Variants in CABLES1 observed in about 807,000 individuals in gnomAD.
CABLES1 encodes the protein CDK5 and ABL1 enzyme substrate 1.
In CABLES1, 36 loss-of-function variants were observed where a neutral mutation model predicts 57.8. That is an observed-to-expected ratio of 0.62 (90% confidence interval 0.48 to 0.82). The LOEUF is 0.82. CABLES1 is among the 40% of genes least tolerant of loss of function. The pLI is 0.00. For synonymous variants in CABLES1, 374 were observed against 363.0 expected, an observed-to-expected ratio of 1.03 and a Z score of -0.35; for missense variants, 767 against 836.6, an observed-to-expected ratio of 0.92 and a Z score of 1.03.
Position 23,258,886 on chromosome 18 carries a change from A to AAACAGAATACTTGGCTTCTTCAGAAT in CABLES1, c.*1520_*1545dup. ...TTCAAGCAGCAGCTGGTGAGGGCCA[A>AAACAGAATACTTGGCTTCTTCAGAAT]AACAGAATACTTGGCTTCTTCAGAA... On this transcript the variant is annotated 3_prime_UTR_variant, in exon 10 of 10. Transcript: ENST00000256925. 6.6e-6 allele frequency: 1 copy of AAACAGAATACTTGGCTTCTTCAGAAT among 152,174 alleles called. No homozygotes were observed. Among genetic ancestry groups the AAACAGAATACTTGGCTTCTTCAGAAT allele is most frequent in the South Asian group, 2.1e-4 (1 of 4,822 alleles). 9.4% of individuals were successfully genotyped at this position (152,174 alleles called of 1,614,324 possible).
At chr18:23,150,899 T>TTCTGGGA (rs1326344205) in intron 1 of CABLES1, among the ~76,000 whole-genome samples, 1 of 151,694 alleles carries the variant, frequency 6.6e-6, no homozygotes, top group Non-Finnish European at 1.5e-5. Flanking sequence ...GGTTGGAGCA[T>TTCTGGGA]AGTGAACTCG....
At chr18:23,254,871 T>C (rs1190482285) in intron 9 of CABLES1, among the ~76,000 whole-genome samples, 2 of 152,038 alleles carry the variant, frequency 1.3e-5, no homozygotes, top group South Asian at 2.1e-4. Flanking sequence ...ACATACGAAT[T>C]TGGGGGGACA....
chr18:23,159,350 G>C (rs2046987091), intron 1 of CABLES1, among the ~76,000 whole-genome samples: 2 of 152,216 alleles, frequency 1.3e-5, no homozygotes. Flanking sequence ...TTGCAGCCCA[G>C]AGTTCCTATG....
chr18:23,189,632 G>A (rs1223245809), intron 2 of CABLES1, among the ~76,000 whole-genome samples: 1 of 152,212 alleles, frequency 6.6e-6, no homozygotes, highest in East Asian at 1.9e-4. Context: ...GGACTGCAGG[G>A]CAGGCGGCAG....
chr18:23,222,642 T>G (rs2047497654), intron 4 of CABLES1, among the ~76,000 whole-genome samples: 1 of 151,492 alleles, frequency 6.6e-6, no homozygotes, highest in Non-Finnish European at 1.5e-5. Context: ...TATAGATATA[T>G]ATTGCCCCAA....
At chr18:23,176,260 C>T (rs2047122294) in intron 1 of CABLES1, among the ~76,000 whole-genome samples, 2 of 152,138 alleles carry the variant, frequency 1.3e-5, no homozygotes, top group African/African-American at 4.8e-5. Flanking sequence ...TGAAACTGTT[C>T]CACCTGAGAT....
At chr18:23,172,031 C>T (rs1315199648) in intron 1 of CABLES1, among the ~76,000 whole-genome samples, 1 of 152,234 alleles carries the variant, frequency 6.6e-6, no homozygotes, top group Non-Finnish European at 1.5e-5. Context: ...AGTGATTCTC[C>T]CACATCAGCC....
chr18:23,208,164 G>A (rs1234426389), intron 3 of CABLES1, among the ~76,000 whole-genome samples: 1 of 152,032 alleles, frequency 6.6e-6, no homozygotes, highest in African/African-American at 2.4e-5. Flanking sequence ...TCCCAGCTCC[G>A]GCCCTGGATT....
chr18:23,196,581 G>T (rs1227593578), intron 3 of CABLES1, among the ~76,000 whole-genome samples: 1 of 152,246 alleles, frequency 6.6e-6, no homozygotes, highest in African/African-American at 2.4e-5. Flanking sequence ...CAGAAGCTCT[G>T]CCCCACAGCA....
At chr18:23,204,919 G>A (rs2047351753) in intron 3 of CABLES1, among the ~76,000 whole-genome samples, 1 of 152,220 alleles carries the variant, frequency 6.6e-6, no homozygotes, top group African/African-American at 2.4e-5. Context: ...TGGGAATTAT[G>A]GGAGCTACAA....
At chr18:23,172,808 T>C (rs2047092343) in intron 1 of CABLES1, among the ~76,000 whole-genome samples, 1 of 152,184 alleles carries the variant, frequency 6.6e-6, no homozygotes. Context: ...TAATTAAGAA[T>C]ACGGTGAGGC....
intron 1 of CABLES1, among the ~76,000 whole-genome samples, chr18:23,167,143 C>T (rs1172846580): frequency 6.6e-6 from 1 of 152,152 alleles, no homozygotes; most frequent in African/African-American, 2.4e-5. Flanking sequence ...TTCCCCTAAT[C>T]TCCTGGGAGT....
Position 23,194,445 on chromosome 18 carries a change from C to T in CABLES1, c.918-3C>T, listed in dbSNP as rs775765870. On this transcript the variant is annotated splice_region_variant and splice_polypyrimidine_tract_variant and intron_variant, in intron 2 of 9. Transcript: ENST00000256925. Reference sequence around the variant, plus strand: ...GTGTTTTTGAAATGACTTTATTTTTCAGATGTCGAACTCTCTCAGGTTCAC... The same window carrying T: ...GTGTTTTTGAAATGACTTTATTTTTTAGATGTCGAACTCTCTCAGGTTCAC... 1 of 1,595,200 alleles carries T rather than the reference C, an allele frequency of 6.3e-7. No individual in the cohort carries two copies. Among genetic ancestry groups the T allele is most frequent in the East Asian group, 2.2e-5 (1 of 44,778 alleles).
Position 23,150,207 on chromosome 18 carries a change from G to GT in CABLES1, c.845+13619dup, listed in dbSNP as rs10638130. Among the ~76,000 whole-genome samples, 329 of 106,656 alleles carry GT rather than the reference G, an allele frequency of 3.1e-3. 31 individuals carry two copies. Among genetic ancestry groups the GT allele is most frequent in the African/African-American group, 7.5e-3 (182 of 24,390 alleles). The allele number at this position is 106,656 out of a possible 152,430, so 70.0% of individuals were successfully genotyped here. A position where few individuals can be genotyped will look rare whatever the true frequency, so the allele number is the denominator to read the frequency against. ...TTTAAGGTCATAGTAGTTGGTGTTT[G>GT]TTTTTTTTTTTTTTTTTTTGAGACG... On this transcript the variant is annotated intron_variant, in intron 1 of 9. Coordinates refer to ENST00000256925, the MANE Select transcript of CABLES1 (RefSeq NM_001100619.3).
chr18:23,158,392 G>A lies in CABLES1; in HGVS notation c.845+21785G>A, dbSNP rs577985014. 5.3e-5 allele frequency among the ~76,000 whole-genome samples: 8 copies of A among 152,304 alleles called. No individual in the cohort carries two copies. In the South Asian group the frequency reaches 1.7e-3, roughly 32 times the overall value. ...TTGAATCCATGCCCGGCACCCTGTA[G>A]CGTGTAGACCTTCTGTGTGTTTCAA... On this transcript the variant is annotated intron_variant, in intron 1 of 9. Transcript: ENST00000256925.
chr18:23,162,838 C>T (rs989623939), intron 1 of CABLES1, among the ~76,000 whole-genome samples: 4 of 152,044 alleles, frequency 2.6e-5, no homozygotes, highest in South Asian at 4.2e-4. Context: ...GTATAAGCAG[C>T]GGGAAGAGGG....
In CABLES1 at chr18:23,178,920, C is replaced by T. The variant is rs150259669; in HGVS notation, c.846-9918C>T. Among the ~76,000 whole-genome samples, 478 of 152,312 alleles carry T rather than the reference C, an allele frequency of 3.1e-3. 2 individuals carry two copies. Among genetic ancestry groups the T allele is most frequent in the African/African-American group, 0.011 (464 of 41,558 alleles). On this transcript the variant is annotated intron_variant, in intron 1 of 9. Transcript: ENST00000256925. ...TATTTGAACAAGCTGATTGGCAACTCTAGTGTATTGATTTTAATTTGGTTT... is the reference window on the plus strand; with the variant it reads ...TATTTGAACAAGCTGATTGGCAACTTTAGTGTATTGATTTTAATTTGGTTT...
chr18:23,136,533 G>A lies in CABLES1; in HGVS notation c.771G>A (p.Ser257=). ...ILPIAFSRPT[S]QNYCSLEQPG... is the part of the protein sequence containing the mutation. ...CCATCGCCTTCTCCAGGCCGACTTC[G>A]CAGAACTACTGCTCCCTGGAGCAGC... The change falls in exon 1 of 10, where the codon TCG becomes TCA. Residue 257 remains serine, a synonymous_variant. Coordinates refer to ENST00000256925, the MANE Select transcript of CABLES1 (RefSeq NM_001100619.3). 1 of 1,584,596 alleles carries A rather than the reference G, an allele frequency of 6.3e-7. No individual in the cohort carries two copies. Among genetic ancestry groups the A allele is most frequent in the South Asian group, 1.1e-5 (1 of 89,354 alleles).
At chr18:23,207,481 C>T (rs890048786) in intron 3 of CABLES1, among the ~76,000 whole-genome samples, 1 of 152,186 alleles carries the variant, frequency 6.6e-6, no homozygotes, top group African/African-American at 2.4e-5. Flanking sequence ...CTCCAGGAAG[C>T]CCACCTTGCC....
Sources: allele counts gnomAD v4.1 joint callset (sites outside exome capture counted in the v4.1 genomes callset), GRCh38; gene constraint gnomAD v4.1.1; transcripts MANE v1.5; gene names NCBI Gene and HGNC (gene_info 2026-07-23, HGNC 2026-07-21).